Variants in GLYATL2 observed in about 807,000 individuals in gnomAD.
The protein encoded by GLYATL2 is glycine-N-acyltransferase like 2.
A neutral mutation model predicts 21.4 loss-of-function variants in GLYATL2; 25 were observed. That is an observed-to-expected ratio of 1.17 (90% confidence interval 0.85 to 1.63). The LOEUF is 1.63. Among genes scored for constraint, GLYATL2 ranks in the 40% most tolerant of loss-of-function variants. The probability of loss-of-function intolerance (pLI) is 0.00; values close to 1 mark genes in which losing one functional copy is unlikely to be tolerated. For synonymous variants in GLYATL2, 114 were observed against 118.2 expected, an observed-to-expected ratio of 0.96 and a Z score of 0.23; for missense variants, 361 against 343.3, an observed-to-expected ratio of 1.05 and a Z score of -0.41.
chr11:58,883,217 C>T (rs986119414), intron 1 of GLYATL2, among the ~76,000 whole-genome samples: 1 of 151,978 alleles, frequency 6.6e-6, no homozygotes, highest in African/African-American at 2.4e-5. Flanking sequence ...AGTTTGTGTC[C>T]TCTTTTATTT....
chr11:58,840,063 G>A (rs572096095), intron 1 of GLYATL2, among the ~76,000 whole-genome samples: 3 of 151,974 alleles, frequency 2.0e-5, no homozygotes, highest in African/African-American at 7.2e-5. Context: ...TGTTCCCATA[G>A]CATGGGTACT....
chr11:58,869,548 A>G (rs61889944), intron 1 of GLYATL2, among the ~76,000 whole-genome samples: 4 of 152,176 alleles, frequency 2.6e-5, no homozygotes, highest in East Asian at 1.9e-4. Flanking sequence ...CTGTATTACT[A>G]TCTCGTGGCT....
chr11:58,905,723 GGT>G, upstream of GLYATL2: 1 of 218,898 alleles, frequency 4.6e-6, no homozygotes, highest in South Asian at 3.9e-5. Flanking sequence ...GACCGGGATG[GGT>G]CATCTGGACA....
At chr11:58,850,408 C>T (rs997497243) in intron 1 of GLYATL2, among the ~76,000 whole-genome samples, 1 of 151,954 alleles carries the variant, frequency 6.6e-6, no homozygotes, top group African/African-American at 2.4e-5. Flanking sequence ...AAGAGTTATA[C>T]TAGATATAGA....
At chr11:58,836,662 C>T (rs1249116532) in intron 5 of GLYATL2, among the ~76,000 whole-genome samples, 1 of 152,038 alleles carries the variant, frequency 6.6e-6, no homozygotes, top group African/African-American at 2.4e-5. Flanking sequence ...CAAGGGAACC[C>T]AAGTGGACAG....
rs1854287997 is a variant in GLYATL2 at position 58,879,098 on chromosome 11, C to T, written n.60+25058G>A. Among the ~76,000 whole-genome samples the T allele has an allele frequency of 2.0e-5, 3 of 151,854 alleles. No individual in the cohort carries two copies. In the South Asian group the frequency reaches 6.2e-4, roughly 32 times the overall value. ...GGAAACTTGATAGCTGGTGGGACTG[C>T]TGGGGAAAAAAAATAAAGAAAAATA... is the stretch of plus-strand genomic sequence containing the variant. On this transcript the variant is annotated intron_variant and non_coding_transcript_variant, in intron 1 of 4. Coordinates refer to the GLYATL2 transcript ENST00000533636.
chr11:58,838,767 T>G (rs1853489334), intron 2 of GLYATL2, among the ~76,000 whole-genome samples: 1 of 152,066 alleles, frequency 6.6e-6, no homozygotes, highest in Non-Finnish European at 1.5e-5. Flanking sequence ...AAAGTTAAGT[T>G]TAGAAGGATA....
At position 58,865,847 on chromosome 11, in the gene GLYATL2, A is replaced by T. The variant is rs566601963; in HGVS notation, n.61-27479T>A. Among the ~76,000 whole-genome samples, 4 of 149,286 alleles carry T rather than the reference A, an allele frequency of 2.7e-5. No homozygotes were observed. In the South Asian group the frequency reaches 6.5e-4, roughly 24 times the overall value. ...GGGGTAGAAAAATGGTGAACAAAAGATGAAAGAAAGACAAAGAAAATATTT... is the reference window on the plus strand; with the variant it reads ...GGGGTAGAAAAATGGTGAACAAAAGTTGAAAGAAAGACAAAGAAAATATTT... On this transcript the variant is annotated intron_variant and non_coding_transcript_variant, in intron 1 of 4. Coordinates refer to the GLYATL2 transcript ENST00000533636.
chr11:58,900,648 G>C (rs1219919906), intron 1 of GLYATL2, among the ~76,000 whole-genome samples: 1 of 152,134 alleles, frequency 6.6e-6, no homozygotes, highest in Non-Finnish European at 1.5e-5. Flanking sequence ...AACTGAGAAG[G>C]TTAATTGACA....
At chr11:58,890,545 CATA>C (rs1039246390) in intron 1 of GLYATL2, among the ~76,000 whole-genome samples, 16 of 152,068 alleles carry the variant, frequency 1.1e-4, no homozygotes, top group Non-Finnish European at 2.1e-4. Context: ...AGCAGGAGGC[CATA>C]ATACTTGTCC....
upstream of GLYATL2, chr11:58,907,692 A>G: frequency 5.2e-6 from 1 of 190,994 alleles, no homozygotes; most frequent in South Asian, 1.0e-4. Context: ...TTTTGACTAG[A>G]TATCAAGCTT....
intron 1 of GLYATL2, among the ~76,000 whole-genome samples, chr11:58,902,920 T>C (rs986598118): frequency 4.6e-5 from 7 of 152,160 alleles, no homozygotes; most frequent in African/African-American, 1.7e-4. Flanking sequence ...GTCACTGATA[T>C]CAAATTGCAG....
At chr11:58,863,666 C>T (rs1345511228) in intron 1 of GLYATL2, among the ~76,000 whole-genome samples, 1 of 152,126 alleles carries the variant, frequency 6.6e-6, no homozygotes, top group African/African-American at 2.4e-5. Context: ...AGAGGCTGGC[C>T]TAGAAGCTGG....
At chr11:58,844,227 G>C (rs1341934836) in intron 1 of GLYATL2, among the ~76,000 whole-genome samples, 1 of 152,090 alleles carries the variant, frequency 6.6e-6, no homozygotes, top group Non-Finnish European at 1.5e-5. Flanking sequence ...AAAAGGATAC[G>C]CACTGGCTTT....
intron 1 of GLYATL2, among the ~76,000 whole-genome samples, chr11:58,863,431 T>C (rs1255236976): frequency 6.6e-6 from 1 of 152,158 alleles, no homozygotes; most frequent in East Asian, 1.9e-4. Flanking sequence ...AGCCTGAGTC[T>C]TCAGAGATGG....
At chr11:58,870,242 G>C (rs1007588935) in intron 1 of GLYATL2, among the ~76,000 whole-genome samples, 12 of 152,180 alleles carry the variant, frequency 7.9e-5, no homozygotes, top group Non-Finnish European at 1.8e-4. Context: ...AAGACTTAAA[G>C]AAGGTAATAG....
At chr11:58,872,853 T>C (rs1468859562) in intron 1 of GLYATL2, among the ~76,000 whole-genome samples, 4 of 152,250 alleles carry the variant, frequency 2.6e-5, no homozygotes, top group Non-Finnish European at 5.9e-5. Context: ...GGGATGGCAT[T>C]GAATCTATAA....
intron 1 of GLYATL2, among the ~76,000 whole-genome samples, chr11:58,858,181 A>T (rs758404153): frequency 6.6e-5 from 10 of 152,120 alleles, no homozygotes; most frequent in Non-Finnish European, 1.2e-4. Context: ...TTAAAGAAGA[A>T]AGTGGGGGAA....
upstream of GLYATL2, among the ~76,000 whole-genome samples, chr11:58,848,667 T>TA (rs1013378512): frequency 2.0e-5 from 3 of 151,628 alleles, no homozygotes; most frequent in African/African-American, 4.8e-5. Flanking sequence ...AGATACAAAA[T>TA]AAAAAAATTA....
Sources: allele counts gnomAD v4.1 joint callset (sites outside exome capture counted in the v4.1 genomes callset), GRCh38; gene constraint gnomAD v4.1.1; transcripts MANE v1.5; gene names NCBI Gene and HGNC (gene_info 2026-07-23, HGNC 2026-07-21).